KIT: variants seen among roughly 807,000 people sequenced by gnomAD.
The protein encoded by KIT is mast/stem cell growth factor receptor Kit.
KIT carries 16 observed loss-of-function variants against 105.7 expected under a neutral mutation model. The observed-to-expected ratio is 0.15, with a 90% CI of 0.10 to 0.23. The LOEUF (loss-of-function observed/expected upper bound fraction) is 0.23, where lower values mean the gene tolerates loss of function less well. Ranked by LOEUF, KIT falls within the 10% of genes least tolerant of loss-of-function variation. The probability of loss-of-function intolerance (pLI) is 1.00; values close to 1 mark genes in which losing one functional copy is unlikely to be tolerated. For missense variants in KIT, 858 were observed against 1,213.8 expected (o/e 0.71, Z 4.36); for synonymous variants, 438 against 441.1 (o/e 0.99, Z 0.09).
intron 1 of KIT, among the ~76,000 whole-genome samples, chr4:54,663,987 G>A (rs1717493389): frequency 6.6e-6 from 1 of 152,142 alleles, no homozygotes; most frequent in Non-Finnish European, 1.5e-5. Context: ...CAGGGCAAGA[G>A]CACAGCCCCT....
chr4:54,739,669 T>C lies in KIT; in HGVS notation c.*1112T>C, dbSNP rs1247808340. The C allele has an allele frequency of 8.6e-6, 2 of 233,516 alleles. No individual in the cohort carries two copies. Among genetic ancestry groups the C allele is most frequent in the Non-Finnish European group, 1.7e-5 (2 of 117,980 alleles). The allele number at this position is 233,516 out of a possible 1,614,324, so 14.5% of individuals were successfully genotyped here. A position where few individuals can be genotyped will look rare whatever the true frequency, so the allele number is the denominator to read the frequency against. On this transcript the variant is annotated 3_prime_UTR_variant, in exon 21 of 21. Coordinates refer to ENST00000288135, the MANE Select transcript of KIT (RefSeq NM_000222.3). ...GGGCCAGTATCTATATATGTGTATG[T>C]ACGTTTGTATGTGTGTAGACAAATA... is the stretch of plus-strand genomic sequence containing the variant.
chr4:54,683,440 C>G (rs1320377921), intron 1 of KIT, among the ~76,000 whole-genome samples: 1 of 152,176 alleles, frequency 6.6e-6, no homozygotes, highest in Non-Finnish European at 1.5e-5. Context: ...AGTTCGAGAT[C>G]TGCCTGGGCA....
Position 54,727,335 on chromosome 4 carries a change from A to G in KIT, c.1647+11A>G. The stretch of plus-strand genomic sequence containing the variant: ...TACAAATATTTACAGGTAACCATTT[A>G]TTTGTTCTCTCTCCAGAGTGCTCTA... On this transcript the variant is annotated intron_variant, in intron 10 of 20. Coordinates refer to ENST00000288135, the MANE Select transcript of KIT (RefSeq NM_000222.3). The G allele has an allele frequency of 6.2e-7, 1 of 1,613,652 alleles. No individual in the cohort carries two copies. Among genetic ancestry groups the G allele is most frequent in the Non-Finnish European group, 8.5e-7 (1 of 1,179,534 alleles).
intron 3 of KIT, 37 bp downstream of exon 3, chr4:54,698,602 A>G (rs1720242933): frequency 1.9e-6 from 3 of 1,609,656 alleles, no homozygotes. Flanking sequence ...GGGAGTTGAG[A>G]ACTCACTTAT....
chr4:54,726,133 T>G, intron 9 of KIT, 83 bp downstream of exon 9: 1 of 1,127,386 alleles, frequency 8.9e-7, no homozygotes, highest in Non-Finnish European at 1.3e-6. Context: ...CATTCCAACA[T>G]TGACCATGTC....
In KIT at chr4:54,698,361, A is replaced by T. The variant is rs2109672539; in HGVS notation, c.415A>T (p.Thr139Ser). The T allele has an allele frequency of 6.2e-7, 1 of 1,614,130 alleles. No homozygotes were observed. Among genetic ancestry groups the T allele is most frequent in the Non-Finnish European group, 8.5e-7 (1 of 1,179,992 alleles). ...DNDTLVRCPLTDPEVTNYSLK... is the reference protein window; with the variant it reads ...DNDTLVRCPLSDPEVTNYSLK... ...CGACACGCTGGTCCGCTGTCCTCTC[A>T]CAGACCCAGAAGTGACCAATTATTC... The change falls in exon 3 of 21, where the codon ACA (threonine) becomes TCA (serine). Residue 139 changes from threonine (T) to serine (S), a missense_variant. Thr to Ser is a moderately conservative substitution (Grantham distance 58). Coordinates refer to ENST00000288135, the MANE Select transcript of KIT (RefSeq NM_000222.3).
chr4:54,713,603 A>T (rs1446404777), intron 7 of KIT, among the ~76,000 whole-genome samples: 1 of 152,254 alleles, frequency 6.6e-6, no homozygotes. Context: ...TTACTCTGTG[A>T]CACTAATGCG....
At chr4:54,669,072 T>A (rs1717910761) in intron 1 of KIT, among the ~76,000 whole-genome samples, 1 of 152,224 alleles carries the variant, frequency 6.6e-6, no homozygotes, top group African/African-American at 2.4e-5. Flanking sequence ...CTAAAATATG[T>A]TAGGATAGCT....
intron 2 of KIT, among the ~76,000 whole-genome samples, chr4:54,697,852 CAG>C (rs1054227097): frequency 1.7e-4 from 26 of 152,266 alleles, no homozygotes; most frequent in African/African-American, 6.0e-4. Context: ...GGCTTATTGG[CAG>C]ATGATCCCTG....
chr4:54,736,446 T>G, intron 17 of KIT, 52 bp from the exon 18 acceptor site: 1 of 1,305,838 alleles, frequency 7.7e-7, no homozygotes, highest in Non-Finnish European at 1.1e-6. Flanking sequence ...TCTGTTCAAT[T>G]TTGTTGAGCT....
At chr4:54,724,624 C>T (rs563508351) in intron 8 of KIT, among the ~76,000 whole-genome samples, 1 of 152,224 alleles carries the variant, frequency 6.6e-6, no homozygotes, top group Admixed American at 6.5e-5. Context: ...ACACCCAAGT[C>T]TTTTTGCCTT....
rs1304577727 is a variant in KIT at position 54,736,861 on chromosome 4, TTTTA to T, written c.2696+45_2696+48del. 3 of 1,480,972 alleles carry T rather than the reference TTTTA, an allele frequency of 2.0e-6. No individual in the cohort carries two copies. In the African/African-American group the frequency reaches 4.2e-5, roughly 21 times the overall value. The allele number at this position is 1,480,972 out of a possible 1,614,324, so 91.7% of individuals were successfully genotyped here. On this transcript the variant is annotated intron_variant, in intron 19 of 20. Transcript: ENST00000288135. The stretch of plus-strand genomic sequence containing the variant: ...TTTTTCCTTTAGGTCACGTTTTCCC[TTTTA>T]TTTTTCTTTTTAGAGACAGAAACCC...
intron 4 of KIT, among the ~76,000 whole-genome samples, chr4:54,701,487 A>G (rs1720448619): frequency 6.6e-6 from 1 of 152,170 alleles, no homozygotes; most frequent in South Asian, 2.1e-4. Flanking sequence ...AGCGCAAGGG[A>G]GTCTTGGAGT....
At chr4:54,682,427 CTTTTT>C (rs889409371) in intron 1 of KIT, among the ~76,000 whole-genome samples, 1 of 151,142 alleles carries the variant, frequency 6.6e-6, no homozygotes, top group Non-Finnish European at 1.5e-5. Flanking sequence ...ATTTCTTTGT[CTTTTT>C]TTTCTTTTTT....
chr4:54,702,704 G>T (rs890492715), intron 4 of KIT, among the ~76,000 whole-genome samples: 20 of 151,992 alleles, frequency 1.3e-4, no homozygotes, highest in Admixed American at 5.2e-4. Flanking sequence ...TTTATTTTCT[G>T]TTGAGCAATT....
chr4:54,714,552 A>G (rs941561289), intron 7 of KIT, among the ~76,000 whole-genome samples: 5 of 152,300 alleles, frequency 3.3e-5, no homozygotes. Context: ...AATTTTAAAT[A>G]CCCATGTGAA....
At chr4:54,727,670 C>T (rs957062334) in intron 11 of KIT, 128 bp downstream of exon 11, 7 of 1,373,964 alleles carry the variant, frequency 5.1e-6, no homozygotes, top group African/African-American at 4.3e-5. Flanking sequence ...AATTGCGCCC[C>T]TTTTGATAGG....
At chr4:54,675,288 T>TA (rs1164769612) in intron 1 of KIT, among the ~76,000 whole-genome samples, 1 of 152,232 alleles carries the variant, frequency 6.6e-6, no homozygotes, top group Non-Finnish European at 1.5e-5. Flanking sequence ...AAACTTTTGT[T>TA]ATTTAAATTC....
In KIT at chr4:54,707,241, G is replaced by C; in HGVS notation, c.1069G>C (p.Asp357His). The C allele has an allele frequency of 6.2e-7, 1 of 1,613,032 alleles. No individual in the cohort carries two copies. The highest frequency in any genetic ancestry group is 1.1e-5 in the South Asian group (1 of 91,062). Residue 357 changes from aspartate to histidine, a missense_variant, in exon 6 of 21, where the codon GAT (aspartate) becomes CAT (histidine). Coordinates refer to ENST00000288135, the MANE Select transcript of KIT (RefSeq NM_000222.3). ...GATCTATATGAACAGAACCTTCACT[G>C]ATAAATGGGAAGATTATCCCAAGTC... The part of the protein sequence containing the change: ...QWIYMNRTFT[D>H]KWEDYPKSEN...
Sources: allele counts gnomAD v4.1 joint callset (sites outside exome capture counted in the v4.1 genomes callset), GRCh38; gene constraint gnomAD v4.1.1; transcripts MANE v1.5; gene names NCBI Gene and HGNC (gene_info 2026-07-23, HGNC 2026-07-21).